ZNF687: variants seen among roughly 807,000 people sequenced by gnomAD.
ZNF687 encodes zinc finger protein 687.
In ZNF687, 13 loss-of-function variants were observed where a neutral mutation model predicts 71.8. The observed-to-expected ratio is 0.18, with a 90% CI of 0.12 to 0.29. The LOEUF (loss-of-function observed/expected upper bound fraction) is 0.29. Among genes scored for constraint, ZNF687 ranks in the 10% least tolerant of loss-of-function variants. The pLI, the probability that ZNF687 is intolerant of heterozygous loss-of-function variation, is 1.00. For missense variants in ZNF687, 1,412 were observed against 1,625.6 expected (o/e 0.87, Z 2.26); for synonymous variants, 673 against 641.6 (o/e 1.05, Z -0.74).
rs1411359229 is a variant in ZNF687 at position 151,287,570 on chromosome 1, C to T, written c.1279C>T (p.Pro427Ser). 1 of 1,613,900 alleles carries T rather than the reference C, an allele frequency of 6.2e-7. No individual in the cohort carries two copies. Among genetic ancestry groups the T allele is most frequent in the Non-Finnish European group, 8.5e-7 (1 of 1,180,014 alleles). ...ASVARKAVVL[P>S]GGTATSPKMI... ...TGTGGCTCGCAAGGCTGTGGTGCTG[C>T]CTGGGGGGACTGCCACCAGCCCTAA... Residue 427 changes from proline to serine, a missense_variant, in exon 2 of 9, where the codon CCT becomes TCT. Pro to Ser is a moderately conservative substitution (Grantham distance 74, BLOSUM62 -1). Transcript: ENST00000336715. This position sits in a 1 kb window ranked among gnomAD's most constrained non-coding sequence, Gnocchi z 5.0.
At position 151,290,865 on chromosome 1, in the gene ZNF687, C is replaced by G. The variant is rs1311197084; in HGVS notation, c.3370C>G (p.Leu1124Val). The G allele has an allele frequency of 6.2e-7, 1 of 1,614,092 alleles. No homozygotes were observed. Among genetic ancestry groups the G allele is most frequent in the African/African-American group, 1.3e-5 (1 of 75,032 alleles). ...GAGCAGCAGCTCCACAGAACAGAGCCTCATGATGGGGTTGAGGGTGGAGGA... is the reference window on the plus strand; with the variant it reads ...GAGCAGCAGCTCCACAGAACAGAGCGTCATGATGGGGTTGAGGGTGGAGGA... Reference protein sequence around the residue: ...YRSSSSTEQSLMMGLRVEDGA... With the variant: ...YRSSSSTEQSVMMGLRVEDGA... The change falls in exon 9 of 9, where the codon CTC (leucine) becomes GTC (valine). Residue 1124 changes from leucine (L) to valine (V), a missense_variant. Physicochemically the swap from Leu to Val is conservative, Grantham distance 32 (BLOSUM62 1). Transcript: ENST00000336715.
At chr1:151,283,725 G>A (rs1484009968) in intron 1 of ZNF687, 1 of 710,304 alleles carries the variant, frequency 1.4e-6, no homozygotes, top group African/African-American at 1.9e-5. Flanking sequence ...AGAGACAAGG[G>A]TTTTTGTTTA....
intron 7 of ZNF687, 79 bp from the exon 8 acceptor site, chr1:151,290,353 T>C (rs2101885406): frequency 6.2e-7 from 1 of 1,611,366 alleles, no homozygotes; most frequent in African/African-American, 1.3e-5. Context: ...CCCTCTGCTC[T>C]GGCAGCCCCC....
rs199695196 is a variant in ZNF687 at position 151,288,214 on chromosome 1, C to T, written c.1923C>T (p.Thr641=). 3 of 1,613,724 alleles carry T rather than the reference C, an allele frequency of 1.9e-6. No homozygotes were observed. Among genetic ancestry groups the T allele is most frequent in the Admixed American group, 1.7e-5 (1 of 60,002 alleles). ...PALGKGEGAI[T]SSAITTVAAE... is the part of the protein sequence containing the mutation. ...TGGGCAAGGGTGAGGGGGCCATCAC[C>T]TCCTCTGCCATTACTACAGTTGCTG... Residue 641 remains threonine (T), a synonymous_variant, in exon 2 of 9, where the codon ACC becomes ACT. Transcript: ENST00000336715.
upstream of ZNF687, chr1:151,282,077 G>T (rs755994756): frequency 1.2e-5 from 16 of 1,286,536 alleles, no homozygotes; most frequent in Non-Finnish European, 1.6e-5. Context: ...CCAATGGGGA[G>T]AGGTATCTTC....
Position 151,291,458 on chromosome 1 carries a change from A to C in ZNF687, c.*249A>C. ...TCTGAGCCCAACACTAATTAATTTT[A>C]TGCTCCTGCTGCAGAACCCCCAGTG... On this transcript the variant is annotated 3_prime_UTR_variant, in exon 9 of 9. Transcript: ENST00000336715. The C allele has an allele frequency of 2.1e-5, 9 of 437,430 alleles. No individual in the cohort carries two copies. The highest frequency in any genetic ancestry group is 2.4e-5 in the Non-Finnish European group (6 of 245,258). The allele number at this position is 437,430 out of a possible 1,614,324, so 27.1% of individuals were successfully genotyped here. A position where few individuals can be genotyped will look rare whatever the true frequency, so the allele number is the denominator to read the frequency against.
chr1:151,290,278 T>A (rs1341109823), intron 7 of ZNF687, 44 bp downstream of exon 7: 1 of 1,609,932 alleles, frequency 6.2e-7, no homozygotes, highest in Admixed American at 1.7e-5. Flanking sequence ...AGCACGTGAC[T>A]CTCCCTGTAT....
intron 1 of ZNF687, chr1:151,283,105 G>C (rs1215164693): frequency 2.0e-6 from 2 of 985,436 alleles, no homozygotes; most frequent in Non-Finnish European, 2.4e-6. Flanking sequence ...TTCGCACGCC[G>C]GTGCGAGTGA....
chr1:151,288,347 G>T lies in ZNF687; in HGVS notation c.2056G>T (p.Ala686Ser), dbSNP rs587656551. The change falls in exon 2 of 9, where the codon GCT (alanine) becomes TCT (serine). Residue 686 changes from alanine to serine, a missense_variant. Physicochemically the swap from Ala to Ser is moderately conservative, Grantham distance 99 (BLOSUM62 1). This residue lies in a region of ZNF687 where 207 missense variants were observed against 239.2 expected (regional missense o/e 0.87). Transcript: ENST00000336715. ...GTGCAAGGAACAGTGCCGGGACAAG[G>T]CTGGCATGGCAGCTCACTTCCAGCA... ...LECKEQCRDK[A>S]GMAAHFQQLG... The T allele has an allele frequency of 1.9e-6, 3 of 1,610,614 alleles. No individual in the cohort carries two copies. In the South Asian group the frequency reaches 3.3e-5, roughly 18 times the overall value.
At chr1:151,289,648 A>G (rs780066396) in intron 5 of ZNF687, 30 bp from the exon 6 acceptor site, 257 of 1,592,498 alleles carry the variant, frequency 1.6e-4, no homozygotes, top group Non-Finnish European at 2.0e-4. Flanking sequence ...CCTCCCCCAC[A>G]ACAGCAACCT....
chr1:151,290,019 C>G lies in ZNF687; in HGVS notation c.2964+12C>G, dbSNP rs750783972. The G allele has an allele frequency of 1.3e-6, 2 of 1,592,464 alleles. No individual in the cohort carries two copies. Among genetic ancestry groups the G allele is most frequent in the Non-Finnish European group, 1.7e-6 (2 of 1,167,158 alleles). ...AGGAGCATGGCAAGGTGAGTGGGCCCCAAGGGGAGTACCATGGGCTGGGGG... is the reference window on the plus strand; with the variant it reads ...AGGAGCATGGCAAGGTGAGTGGGCCGCAAGGGGAGTACCATGGGCTGGGGG... On this transcript the variant is annotated intron_variant, in intron 6 of 8. Coordinates refer to ENST00000336715, the MANE Select transcript of ZNF687 (RefSeq NM_020832.3).
chr1:151,285,115 GA>G (rs1173742118), intron 1 of ZNF687: 1 of 152,156 alleles, frequency 6.6e-6, no homozygotes, highest in African/African-American at 2.4e-5. Context: ...AGGCACTGAA[GA>G]AACTTGCTTG....
rs748337993 is a variant in ZNF687 at position 151,291,043 on chromosome 1, G to GA, written c.3548_3549insA (p.Ser1184ValfsTer2). The GA allele has an allele frequency of 1.2e-6, 2 of 1,613,870 alleles. No individual in the cohort carries two copies. Among genetic ancestry groups the GA allele is most frequent in the Non-Finnish European group, 1.7e-6 (2 of 1,180,028 alleles). On this transcript the variant is annotated frameshift_variant, in exon 9 of 9. Transcript: ENST00000336715. LOFTEE classifies it high-confidence loss of function. ...GGGGAGGAAGAGGCCCCTCCATCAA[G>GA]GTCTGACCCCGATGGTGGAGACTCA...
rs587736405 is a variant in ZNF687, at chr1:151,282,758, A to T, written c.-18+363A>T. ...GGGCGGGGGACCTGGGCCAGGCCGG[A>T]GCAGAACCTGCACCCCGACTGGGTG... On this transcript the variant is annotated intron_variant, in intron 1 of 8. Coordinates refer to ENST00000336715, the MANE Select transcript of ZNF687 (RefSeq NM_020832.3). Among the ~76,000 whole-genome samples, 22 of 151,990 alleles carry T rather than the reference A, an allele frequency of 1.4e-4. No homozygotes were observed. In the South Asian group the frequency reaches 4.1e-3, roughly 29 times the overall value.
Position 151,289,368 on chromosome 1 carries a change from C to G in ZNF687, c.2472-10C>G, listed in dbSNP as rs929364071. The G allele has an allele frequency of 6.2e-7, 1 of 1,614,150 alleles. No homozygotes were observed. The highest frequency in any genetic ancestry group is 8.5e-7 in the Non-Finnish European group (1 of 1,180,040). On this transcript the variant is annotated splice_polypyrimidine_tract_variant and intron_variant, in intron 4 of 8. Coordinates refer to ENST00000336715, the MANE Select transcript of ZNF687 (RefSeq NM_020832.3). ...AACCCTGCCTGATGTCTGCACTGTC[C>G]TCACTTCAGGCTGATCTACAAGTGC...
In ZNF687 at chr1:151,287,282, C is replaced by T. The variant is rs753095204; in HGVS notation, c.991C>T (p.Arg331Trp). The T allele has an allele frequency of 1.3e-5, 21 of 1,614,048 alleles. No individual in the cohort carries two copies. Among genetic ancestry groups the T allele is most frequent in the African/African-American group, 2.7e-5 (2 of 74,912 alleles). The change falls in exon 2 of 9, where the codon CGG (arginine) becomes TGG (tryptophan). Residue 331 changes from arginine (R) to tryptophan (W), a missense_variant. By Grantham distance (101) the Arg-to-Trp change is moderately radical. Transcript: ENST00000336715. The surrounding 1 kb of genome is among the most constrained non-coding windows in gnomAD (Gnocchi z 5.0). The part of the protein sequence containing the change: ...ASSSSRPLKV[R>W]IKTIKTSCGN... ...CAGCTCCTCTAGGCCTCTTAAGGTGCGGATCAAGACCATTAAAACATCCTG... is the reference window on the plus strand; with the variant it reads ...CAGCTCCTCTAGGCCTCTTAAGGTGTGGATCAAGACCATTAAAACATCCTG...
At chr1:151,282,516 G>C in intron 1 of ZNF687, 121 bp downstream of exon 1, 1 of 757,744 alleles carries the variant, frequency 1.3e-6, no homozygotes, top group Non-Finnish European at 1.6e-6. Flanking sequence ...CCCCTGGGGC[G>C]GCTTCTAGGA....
chr1:151,284,592 T>G (rs1693863798), intron 1 of ZNF687, among the ~76,000 whole-genome samples: 1 of 152,152 alleles, frequency 6.6e-6, no homozygotes, highest in South Asian at 2.1e-4. Context: ...GACTTGATCC[T>G]GCATGACCCC....
rs587689919 is a variant in ZNF687 at position 151,291,383 on chromosome 1, T to G, written c.*174T>G. ...TTATTCTAGTTATTTGCAACCTCCC[T>G]TTGGGTTTGGCCCTGGAGTCCTAGT... is the stretch of plus-strand genomic sequence containing the variant. On this transcript the variant is annotated 3_prime_UTR_variant, in exon 9 of 9. Transcript: ENST00000336715. 317 of 907,800 alleles carry G rather than the reference T, an allele frequency of 3.5e-4. 1 individual carries two copies. In the African/African-American group the frequency reaches 5.0e-3, roughly 14 times the overall value. 56.2% of individuals were successfully genotyped at this position (907,800 alleles called of 1,614,324 possible).
Sources: allele counts gnomAD v4.1 joint callset (sites outside exome capture counted in the v4.1 genomes callset), GRCh38; gene constraint gnomAD v4.1.1; regional missense constraint gnomAD v4.1.1; non-coding constraint Gnocchi (gnomAD v3.1); transcripts MANE v1.5; gene names NCBI Gene and HGNC (gene_info 2026-07-23, HGNC 2026-07-21).